Variants in ARF4 observed in about 807,000 individuals in gnomAD.
The protein encoded by ARF4 is ARF GTPase 4.
Under a neutral mutation model 24.3 loss-of-function variants are expected in ARF4, and 5 were observed. The observed-to-expected ratio is 0.21, with a 90% CI of 0.11 to 0.43. The LOEUF (loss-of-function observed/expected upper bound fraction) is 0.43. ARF4 is among the 20% of genes least tolerant of loss of function. The pLI, the probability that ARF4 is intolerant of heterozygous loss-of-function variation, is 1.00. For missense variants in ARF4, 107 were observed against 213.0 expected (o/e 0.50, Z 3.10); for synonymous variants, 62 against 73.5 (o/e 0.84, Z 0.80).
At chr3:57,580,580 T>C (rs2069958339) in intron 3 of ARF4, among the ~76,000 whole-genome samples, 1 of 150,308 alleles carries the variant, frequency 6.7e-6, no homozygotes, top group Non-Finnish European at 1.5e-5. Context: ...TTTTTTTTAA[T>C]TTTTTTTTGT....
At chr3:57,595,759 G>A (rs563960660) in intron 1 of ARF4, among the ~76,000 whole-genome samples, 3 of 152,192 alleles carry the variant, frequency 2.0e-5, no homozygotes, top group African/African-American at 7.2e-5. Flanking sequence ...GACCAGACTG[G>A]CCAACGTGGT....
rs779390668 is a variant in ARF4 at position 57,577,337 on chromosome 3, T to C, written c.309A>G (p.Val103=). 1.9e-6 allele frequency: 3 copies of C among 1,613,648 alleles called. No individual in the cohort carries two copies. In the African/African-American group the frequency reaches 4.0e-5, roughly 22 times the overall value. Residue 103 remains valine (V), a synonymous_variant, in exon 4 of 6, where the codon GTA becomes GTG. Transcript: ENST00000303436. ...DSNDRERIQE[V]ADELQKMLLV... ...TTACCATTTTCTGCAGCTCATCTGC[T>C]ACTTCCTGAATTCTTTCACGATCGT...
intron 4 of ARF4, 80 bp downstream of exon 4, chr3:57,577,236 G>T (rs1371311814): frequency 6.7e-6 from 8 of 1,186,972 alleles, no homozygotes; most frequent in Non-Finnish European, 1.0e-5. Flanking sequence ...TCTAATCATA[G>T]TCAAAATGTA....
chr3:57,596,442 G>A (rs931331559), intron 1 of ARF4, among the ~76,000 whole-genome samples: 1 of 152,152 alleles, frequency 6.6e-6, no homozygotes, highest in African/African-American at 2.4e-5. Context: ...AGTTTTCGGA[G>A]AATGAGATTA....
intron 4 of ARF4, among the ~76,000 whole-genome samples, chr3:57,576,905 G>A (rs1333864081): frequency 6.6e-6 from 1 of 152,014 alleles, no homozygotes; most frequent in Non-Finnish European, 1.5e-5. Context: ...AAATGGAACC[G>A]ATGACCTTGG....
chr3:57,585,534 G>A (rs2070025645), intron 1 of ARF4, among the ~76,000 whole-genome samples: 1 of 152,110 alleles, frequency 6.6e-6, no homozygotes, highest in Admixed American at 6.6e-5. Context: ...GTTAATGGGT[G>A]CAGCACACCA....
intron 1 of ARF4, among the ~76,000 whole-genome samples, chr3:57,587,569 A>C (rs1053036843): frequency 3.1e-4 from 47 of 152,200 alleles, no homozygotes; most frequent in African/African-American, 9.9e-4. Context: ...AAAAGAGAAA[A>C]AAAATTGTCC....
At chr3:57,585,589 C>T (rs951017319) in intron 1 of ARF4, among the ~76,000 whole-genome samples, 1 of 151,808 alleles carries the variant, frequency 6.6e-6, no homozygotes, top group Non-Finnish European at 1.5e-5. Context: ...ACATTGTGCA[C>T]ATGTACCCTA....
At chr3:57,592,971 G>A (rs1396107092) in intron 1 of ARF4, among the ~76,000 whole-genome samples, 1 of 152,140 alleles carries the variant, frequency 6.6e-6, no homozygotes. Flanking sequence ...TTGGGAGGTC[G>A]AGGCAGGAGG....
At chr3:57,593,076 G>A (rs185416707) in intron 1 of ARF4, among the ~76,000 whole-genome samples, 2 of 152,146 alleles carry the variant, frequency 1.3e-5, no homozygotes, top group East Asian at 1.9e-4. Flanking sequence ...GCATAGTGGC[G>A]CCTGTAGTCC....
At chr3:57,579,587 C>G (rs973306596) in intron 3 of ARF4, among the ~76,000 whole-genome samples, 2 of 152,100 alleles carry the variant, frequency 1.3e-5, no homozygotes, top group Non-Finnish European at 2.9e-5. Flanking sequence ...CGCGCCCAGC[C>G]CCATCCTACA....
At chr3:57,596,991 GA>G in intron 1 of ARF4, 82 bp downstream of exon 1, 1 of 1,496,572 alleles carries the variant, frequency 6.7e-7, no homozygotes, top group Non-Finnish European at 9.2e-7. Flanking sequence ...GCGGGCGGAG[GA>G]AAAAAACAGG....
chr3:57,582,991 T>C (rs1002344791), intron 3 of ARF4, among the ~76,000 whole-genome samples: 4 of 152,200 alleles, frequency 2.6e-5, no homozygotes, highest in Non-Finnish European at 5.9e-5. Flanking sequence ...TGGCTGCTAC[T>C]TGAGGGCAGC....
chr3:57,588,639 A>G (rs1214853765), intron 1 of ARF4, among the ~76,000 whole-genome samples: 2 of 147,044 alleles, frequency 1.4e-5, no homozygotes, highest in African/African-American at 5.1e-5. Flanking sequence ...GGATCACCTG[A>G]AGTCAGGAGT....
chr3:57,586,740 A>G (rs1271293877), intron 1 of ARF4, among the ~76,000 whole-genome samples: 1 of 152,172 alleles, frequency 6.6e-6, no homozygotes, highest in Non-Finnish European at 1.5e-5. Flanking sequence ...AAAAATACAT[A>G]AAAAGGAGCT....
intron 1 of ARF4, among the ~76,000 whole-genome samples, chr3:57,596,293 G>C (rs186800453): frequency 6.3e-4 from 96 of 152,206 alleles, no homozygotes; most frequent in African/African-American, 2.2e-3. Context: ...AAATTTATCA[G>C]GTATTTTTTA....
intron 1 of ARF4, among the ~76,000 whole-genome samples, chr3:57,592,140 A>C (rs1219633681): frequency 6.6e-6 from 1 of 152,142 alleles, no homozygotes; most frequent in Non-Finnish European, 1.5e-5. Flanking sequence ...GAGACCTCAA[A>C]TACTATTTAC....
At chr3:57,581,743 T>A (rs1036122447) in intron 3 of ARF4, among the ~76,000 whole-genome samples, 3 of 152,104 alleles carry the variant, frequency 2.0e-5, no homozygotes, top group Admixed American at 6.6e-5. Context: ...GAGGTTGCAG[T>A]GAGCCAAGAT....
intron 1 of ARF4, among the ~76,000 whole-genome samples, chr3:57,587,531 T>TA (rs2070054142): frequency 6.6e-6 from 1 of 152,026 alleles, no homozygotes; most frequent in Admixed American, 6.6e-5. Context: ...AATTTTTTTT[T>TA]ACCCAAAAAT....
Sources: allele counts gnomAD v4.1 joint callset (sites outside exome capture counted in the v4.1 genomes callset), GRCh38; gene constraint gnomAD v4.1.1; transcripts MANE v1.5; gene names NCBI Gene and HGNC (gene_info 2026-07-23, HGNC 2026-07-21).